CACHD1: variants seen among roughly 807,000 people sequenced by gnomAD.
The protein encoded by CACHD1 is VWFA and cache domain-containing protein 1.
CACHD1 carries 71 observed loss-of-function variants against 138.7 expected under a neutral mutation model. That is an observed-to-expected ratio of 0.51 (90% CI 0.42 to 0.62). The LOEUF (loss-of-function observed/expected upper bound fraction) is 0.62, where lower values mean the gene tolerates loss of function less well. Among genes scored for constraint, CACHD1 ranks in the 20% least tolerant of loss-of-function variants. The pLI is 0.00. For synonymous variants in CACHD1, 578 were observed against 591.5 expected, an observed-to-expected ratio of 0.98 and a Z score of 0.33; for missense variants, 1,389 against 1,625.3, an observed-to-expected ratio of 0.85 and a Z score of 2.50.
chr1:64,543,697 G>C (rs1344943518), intron 1 of CACHD1, among the ~76,000 whole-genome samples: 1 of 151,822 alleles, frequency 6.6e-6, no homozygotes, highest in Non-Finnish European at 1.5e-5. Context: ...TTAATAGTAT[G>C]AGGTTAAATA....
At chr1:64,500,385 C>T (rs1367387725) in intron 1 of CACHD1, among the ~76,000 whole-genome samples, 1 of 151,866 alleles carries the variant, frequency 6.6e-6, no homozygotes, top group Non-Finnish European at 1.5e-5. Context: ...TTTGGTGTTG[C>T]AAAAAAAGAA....
At chr1:64,570,767 G>A (rs1646920855) in intron 2 of CACHD1, among the ~76,000 whole-genome samples, 1 of 151,998 alleles carries the variant, frequency 6.6e-6, no homozygotes, top group Non-Finnish European at 1.5e-5. Context: ...AACCCATACG[G>A]GAAACATTTC....
chr1:64,674,665 C>T (rs1207242873), intron 19 of CACHD1, among the ~76,000 whole-genome samples: 1 of 152,158 alleles, frequency 6.6e-6, no homozygotes, highest in East Asian at 1.9e-4. Context: ...AGCTAATCCT[C>T]ACCAAGCATA....
intron 3 of CACHD1, among the ~76,000 whole-genome samples, chr1:64,593,620 G>C (rs1647125615): frequency 6.6e-6 from 1 of 152,088 alleles, no homozygotes; most frequent in African/African-American, 2.4e-5. Context: ...TGTATGGCAA[G>C]TCTTAGTCTT....
Position 64,692,625 on chromosome 1 carries a change from CTTAA to C in CACHD1, c.*1069_*1072del, listed in dbSNP as rs959726409. ...TTTTCTAAATTGTGAAAGTCTGGTT[CTTAA>C]TTAAAGAATTTTTTTTTTAATATCA... On this transcript the variant is annotated 3_prime_UTR_variant, in exon 27 of 27. Transcript: ENST00000651257. 1.3e-5 allele frequency: 2 copies of C among 151,628 alleles called. No homozygotes were observed. The highest frequency in any genetic ancestry group is 6.6e-5 in the Admixed American group (1 of 15,248). The allele number at this position is 151,628 out of a possible 1,614,324, so 9.4% of individuals were successfully genotyped here. A position where few individuals can be genotyped will look rare whatever the true frequency, so the allele number is the denominator to read the frequency against.
At chr1:64,660,563 T>C (rs1165686708) in intron 13 of CACHD1, among the ~76,000 whole-genome samples, 3 of 152,048 alleles carry the variant, frequency 2.0e-5, no homozygotes, top group Admixed American at 6.6e-5. Flanking sequence ...GGAGTTTTGC[T>C]CTTGTCACCC....
At chr1:64,489,350 C>G (rs1646260933) in intron 1 of CACHD1, among the ~76,000 whole-genome samples, 1 of 152,066 alleles carries the variant, frequency 6.6e-6, no homozygotes, top group African/African-American at 2.4e-5. Flanking sequence ...AGGAGTGAGT[C>G]CTCCAAACTA....
chr1:64,532,327 GAACAAC>G (rs755702969), intron 1 of CACHD1, among the ~76,000 whole-genome samples: 1 of 152,096 alleles, frequency 6.6e-6, no homozygotes, highest in Non-Finnish European at 1.5e-5. Flanking sequence ...AGGACACTGG[GAACAAC>G]AACAACAACA....
Position 64,677,664 on chromosome 1 carries a change from G to A in CACHD1, c.3093-495G>A, listed in dbSNP as rs573462632. Among the ~76,000 whole-genome samples the A allele has an allele frequency of 5.3e-5, 8 of 152,326 alleles. 1 individual carries two copies. The South Asian group carries it at 1.0e-3, about 20-fold the overall frequency. The stretch of plus-strand genomic sequence containing the variant: ...GTAGCCCCAAGTCAATTAAGTTTGG[G>A]AAATGCTGACACTGCATATATTCTC... On this transcript the variant is annotated intron_variant, in intron 22 of 26. Coordinates refer to ENST00000651257, the MANE Select transcript of CACHD1 (RefSeq NM_020925.4).
chr1:64,663,895 G>A (rs1365108403), intron 14 of CACHD1, 58 bp downstream of exon 14: 6 of 1,604,512 alleles, frequency 3.7e-6, no homozygotes, highest in Non-Finnish European at 4.3e-6. Flanking sequence ...CCAGCAGGGG[G>A]TGCTGGCAGT....
chr1:64,533,513 C>T (rs771474015), intron 1 of CACHD1, among the ~76,000 whole-genome samples: 2 of 152,092 alleles, frequency 1.3e-5, no homozygotes, highest in South Asian at 4.1e-4. Context: ...AGTTTTTGAA[C>T]CTGTTGGTAT....
chr1:64,628,139 C>T (rs547334123), intron 4 of CACHD1, among the ~76,000 whole-genome samples: 3 of 152,196 alleles, frequency 2.0e-5, no homozygotes, highest in Non-Finnish European at 4.4e-5. Flanking sequence ...GAAGATCCAT[C>T]ATCATTGTTA....
intron 26 of CACHD1, among the ~76,000 whole-genome samples, chr1:64,683,159 A>G (rs1183714832): frequency 6.6e-6 from 1 of 152,216 alleles, no homozygotes; most frequent in African/African-American, 2.4e-5. Context: ...TTTGGCAAAT[A>G]AGAGCAGCTA....
chr1:64,529,675 T>C (rs1646566687), intron 1 of CACHD1, among the ~76,000 whole-genome samples: 1 of 152,234 alleles, frequency 6.6e-6, no homozygotes, highest in African/African-American at 2.4e-5. Flanking sequence ...GCTTAGGTAA[T>C]GTGCCCTTGG....
At chr1:64,485,101 T>C (rs1186100816) in intron 1 of CACHD1, among the ~76,000 whole-genome samples, 4 of 152,222 alleles carry the variant, frequency 2.6e-5, no homozygotes, top group Admixed American at 2.0e-4. Context: ...TGCACAAGGG[T>C]TCTAATTTCT....
intron 1 of CACHD1, among the ~76,000 whole-genome samples, chr1:64,477,327 C>T (rs905025124): frequency 6.6e-6 from 1 of 152,106 alleles, no homozygotes; most frequent in Admixed American, 6.5e-5. Flanking sequence ...ATCCTCTGCC[C>T]CCAGGTTTTT....
At chr1:64,643,688 A>T (rs543859570) in intron 8 of CACHD1, among the ~76,000 whole-genome samples, 87 of 152,276 alleles carry the variant, frequency 5.7e-4, no homozygotes, top group African/African-American at 2.0e-3. Flanking sequence ...TACAAAAAAA[A>T]TTAGCCAGGC....
chr1:64,642,097 CTCTT>C (rs767663420), intron 8 of CACHD1, 128 bp downstream of exon 8: 11 of 741,156 alleles, frequency 1.5e-5, no homozygotes, highest in African/African-American at 1.8e-5. Flanking sequence ...AACCAGGCGG[CTCTT>C]TCTCTACCTG....
At chr1:64,636,232 A>G (rs942392727) in intron 7 of CACHD1, among the ~76,000 whole-genome samples, 1 of 152,194 alleles carries the variant, frequency 6.6e-6, no homozygotes, top group African/African-American at 2.4e-5. Flanking sequence ...TAAACTAAGC[A>G]CTGATTAATG....
Sources: gnomAD v4.1 joint callset for allele counts (sites outside exome capture counted in the v4.1 genomes callset) on GRCh38, gnomAD v4.1.1 for gene constraint, MANE v1.5 for transcripts, NCBI Gene and HGNC (gene_info 2026-07-23, HGNC 2026-07-21) for gene names.